HACD1: variants seen among roughly 807,000 people sequenced by gnomAD.
HACD1 encodes the protein 3-hydroxyacyl-CoA dehydratase 1.
Under a neutral mutation model 32.0 loss-of-function variants are expected in HACD1, and 41 were observed. The ratio of observed to expected loss-of-function variants is 1.28; its 90% CI spans 1.00 to 1.66. The LOEUF (loss-of-function observed/expected upper bound fraction) is 1.66, where lower values mean the gene tolerates loss of function less well. HACD1 is among the 40% of genes most tolerant of loss of function. The pLI is 0.00. For missense variants in HACD1, 396 were observed against 380.1 expected, an observed-to-expected ratio of 1.04 and a Z score of -0.35; for synonymous variants, 142 against 139.0, an observed-to-expected ratio of 1.02 and a Z score of -0.15.
intron 5 of HACD1, among the ~76,000 whole-genome samples, chr10:17,598,747 C>T (rs7921987): frequency 8.5e-5 from 13 of 152,056 alleles, no homozygotes; most frequent in East Asian, 7.7e-4. Flanking sequence ...GATATCTTTT[C>T]CTTTAAAAAC....
chr10:17,591,894 T>C (rs1833932371), intron 6 of HACD1, among the ~76,000 whole-genome samples: 1 of 147,894 alleles, frequency 6.8e-6, no homozygotes, highest in South Asian at 2.1e-4. Flanking sequence ...CCAATTATTG[T>C]AAATACTTCC....
chr10:17,606,991 G>A (rs1588991355), intron 1 of HACD1, among the ~76,000 whole-genome samples: 1 of 152,114 alleles, frequency 6.6e-6, no homozygotes, highest in African/African-American at 2.4e-5. Flanking sequence ...ATGCTCTTAA[G>A]CCACTATGCT....
At chr10:17,602,124 C>T (rs992203215) in intron 4 of HACD1, among the ~76,000 whole-genome samples, 6 of 149,194 alleles carry the variant, frequency 4.0e-5, no homozygotes, top group African/African-American at 1.5e-4. Flanking sequence ...AACTGGAGTG[C>T]AGTGGTGCGA....
chr10:17,594,848 T>G (rs11592803), intron 5 of HACD1, among the ~76,000 whole-genome samples: 36,380 of 136,920 alleles, frequency 0.27, 4,574 homozygotes, highest in Non-Finnish European at 0.29. Context: ...ATTTTTGGTG[T>G]TTTTTTTTTT....
intron 4 of HACD1, chr10:17,603,286 G>T (rs1208657029): frequency 2.1e-5 from 6 of 292,234 alleles, no homozygotes; most frequent in African/African-American, 1.3e-4. Flanking sequence ...TTTTCTGCAG[G>T]TTATTTGACA....
chr10:17,593,715 C>G (rs1833958215), intron 6 of HACD1, among the ~76,000 whole-genome samples: 1 of 152,166 alleles, frequency 6.6e-6, no homozygotes, highest in African/African-American at 2.4e-5. Context: ...ATTCAAAATC[C>G]TTTAAGAAAA....
chr10:17,598,055 T>C (rs888399798), intron 5 of HACD1, among the ~76,000 whole-genome samples: 55 of 151,806 alleles, frequency 3.6e-4, no homozygotes, highest in African/African-American at 1.3e-3. Context: ...AGCTCAGGTG[T>C]TCGAGACCAG....
chr10:17,611,740 G>A (rs1221177211), intron 1 of HACD1, among the ~76,000 whole-genome samples: 1 of 152,122 alleles, frequency 6.6e-6, no homozygotes, highest in African/African-American at 2.4e-5. Flanking sequence ...GCCGAGGCAG[G>A]CAGATCACGA....
At chr10:17,614,539 G>C (rs776069230) in intron 1 of HACD1, among the ~76,000 whole-genome samples, 1 of 151,624 alleles carries the variant, frequency 6.6e-6, no homozygotes, top group African/African-American at 2.4e-5. Flanking sequence ...CACCGTGCTC[G>C]GCCTACTCTA....
At chr10:17,603,877 A>T (rs782077035) in intron 2 of HACD1, 53 bp downstream of exon 2, 2 of 1,512,070 alleles carry the variant, frequency 1.3e-6, no homozygotes, top group Non-Finnish European at 1.8e-6. Context: ...CACAACAAAA[A>T]ATGTTCACAT....
intron 1 of HACD1, among the ~76,000 whole-genome samples, chr10:17,608,812 C>T (rs1368395567): frequency 1.3e-5 from 2 of 152,124 alleles, no homozygotes; most frequent in African/African-American, 4.8e-5. Flanking sequence ...TGTTCATTGA[C>T]ACCTCTAAAC....
intron 1 of HACD1, among the ~76,000 whole-genome samples, chr10:17,613,022 T>G (rs565320754): frequency 1.1e-4 from 17 of 151,574 alleles, no homozygotes; most frequent in African/African-American, 4.1e-4. Flanking sequence ...GCTGATAAAA[T>G]AACAAGCTGT....
intron 5 of HACD1, 83 bp downstream of exon 5, chr10:17,599,207 A>T (rs782336257): frequency 6.4e-7 from 1 of 1,555,564 alleles, no homozygotes; most frequent in Non-Finnish European, 8.7e-7. Context: ...TGGGGCTGAA[A>T]CACGAATTTT....
chr10:17,616,931 C>T (rs943776437), intron 1 of HACD1, 152 bp downstream of exon 1: 3 of 847,402 alleles, frequency 3.5e-6, no homozygotes, highest in African/African-American at 3.6e-5. Context: ...CTCCATTCAA[C>T]CCCGGCGGTG....
At chr10:17,613,301 A>G (rs1488015327) in intron 1 of HACD1, among the ~76,000 whole-genome samples, 1 of 152,134 alleles carries the variant, frequency 6.6e-6, no homozygotes, top group African/African-American at 2.4e-5. Flanking sequence ...AAAAAAATTA[A>G]TAAACACGCC....
intron 5 of HACD1, among the ~76,000 whole-genome samples, chr10:17,597,328 G>T (rs1363434643): frequency 6.6e-6 from 1 of 152,048 alleles, no homozygotes; most frequent in African/African-American, 2.4e-5. Context: ...AGTAGAGATG[G>T]GGTTTCACCA....
At chr10:17,590,472 A>G in intron 6 of HACD1, 26 bp from the exon 7 acceptor site, 1 of 1,508,740 alleles carries the variant, frequency 6.6e-7, no homozygotes. Flanking sequence ...AAACAAAGAA[A>G]AACAAGCTAT....
Position 17,590,284 on chromosome 10 carries a change from G to T in HACD1, c.*80C>A. 9.9e-7 allele frequency: 1 copy of T among 1,010,296 alleles called. No homozygotes were observed. Among genetic ancestry groups the T allele is most frequent in the Non-Finnish European group, 1.5e-6 (1 of 677,066 alleles). The allele number at this position is 1,010,296 out of a possible 1,614,324, so 62.6% of individuals were successfully genotyped here. On this transcript the variant is annotated 3_prime_UTR_variant, in exon 7 of 7. Coordinates refer to ENST00000361271, the MANE Select transcript of HACD1 (RefSeq NM_014241.4). ...CATACAATCCATGATATTTCACAAA[G>T]TTGTTTATTCTTGTTATTAAAACTT... is the stretch of plus-strand genomic sequence containing the variant.
At chr10:17,599,991 T>C (rs12249140) in intron 4 of HACD1, among the ~76,000 whole-genome samples, 2,400 of 152,326 alleles carry the variant, frequency 0.016, 61 homozygotes, top group African/African-American at 0.055. Flanking sequence ...CCACACTTCT[T>C]AACAGAATAA....
Sources: gnomAD v4.1 joint callset for allele counts (sites outside exome capture counted in the v4.1 genomes callset) on GRCh38, gnomAD v4.1.1 for gene constraint, MANE v1.5 for transcripts, NCBI Gene and HGNC (gene_info 2026-07-23, HGNC 2026-07-21) for gene names.